The following CHN2 variants were observed in gnomAD, a reference collection of about 807,000 sequenced individuals.
The protein encoded by CHN2 is beta-chimaerin.
In CHN2, 35 loss-of-function variants were observed where a neutral mutation model predicts 56.3. That is an observed-to-expected ratio of 0.62 (90% CI 0.47 to 0.82). CHN2 has a LOEUF of 0.82. CHN2 is among the 40% of genes least tolerant of loss of function. CHN2 has a pLI of 0.00. For synonymous variants in CHN2, 210 were observed against 212.8 expected (o/e 0.99, Z 0.12); for missense variants, 491 against 580.5 (o/e 0.85, Z 1.58).
chr7:29,358,784 C>T (rs1016449177), intron 2 of CHN2, among the ~76,000 whole-genome samples: 4 of 152,102 alleles, frequency 2.6e-5, no homozygotes, highest in Non-Finnish European at 4.4e-5. Context: ...TTTTAAGAAG[C>T]GGTTTCTACG....
intron 6 of CHN2, among the ~76,000 whole-genome samples, chr7:29,402,927 T>C (rs545763132): frequency 4.1e-5 from 5 of 120,658 alleles, no homozygotes; most frequent in Non-Finnish European, 1.0e-4. Flanking sequence ...CAATTAATAA[T>C]CACTTTGAAT....
chr7:29,274,994 G>T (rs1270953589), intron 1 of CHN2, among the ~76,000 whole-genome samples: 1 of 152,082 alleles, frequency 6.6e-6, no homozygotes, highest in Non-Finnish European at 1.5e-5. Flanking sequence ...CCTGGGTCTG[G>T]TCTCTCTTTG....
chr7:29,440,645 A>G (rs755442026), intron 6 of CHN2, among the ~76,000 whole-genome samples: 2 of 145,088 alleles, frequency 1.4e-5, no homozygotes, highest in Non-Finnish European at 3.0e-5. Flanking sequence ...AGATCATGCC[A>G]CTACACTCCA....
chr7:29,441,069 T>G (rs1296409805), intron 6 of CHN2, among the ~76,000 whole-genome samples: 1 of 152,206 alleles, frequency 6.6e-6, no homozygotes, highest in Non-Finnish European at 1.5e-5. Context: ...CATTTGAGAT[T>G]TACTCTCTTA....
chr7:29,263,662 C>A (rs56263879), intron 1 of CHN2, among the ~76,000 whole-genome samples: 2 of 146,944 alleles, frequency 1.4e-5, no homozygotes, highest in Non-Finnish European at 3.0e-5. Flanking sequence ...AAGTGAGGAG[C>A]GCCTCTTCCC....
At chr7:29,490,637 C>T (rs914003185) in intron 7 of CHN2, among the ~76,000 whole-genome samples, 1 of 152,138 alleles carries the variant, frequency 6.6e-6, no homozygotes, top group Non-Finnish European at 1.5e-5. Context: ...ATCCTTCCCC[C>T]ATTAATTTGT....
chr7:29,228,934 C>A (rs919287920), intron 1 of CHN2, among the ~76,000 whole-genome samples: 1 of 152,218 alleles, frequency 6.6e-6, no homozygotes, highest in African/African-American at 2.4e-5. Context: ...CTTTTGCTCC[C>A]GCTCTGCTCC....
At chr7:29,234,001 T>C (rs1317217080) in intron 1 of CHN2, among the ~76,000 whole-genome samples, 2 of 148,974 alleles carry the variant, frequency 1.3e-5, no homozygotes, top group Non-Finnish European at 3.0e-5. Context: ...GCCCGGCTAA[T>C]TTTTTGTATT....
chr7:29,439,503 G>T (rs529417631), intron 6 of CHN2, among the ~76,000 whole-genome samples: 1 of 152,084 alleles, frequency 6.6e-6, no homozygotes, highest in Non-Finnish European at 1.5e-5. Context: ...TGTCCTTCAG[G>T]TGTTGGCTCC....
chr7:29,320,360 AG>A (rs932212242), intron 1 of CHN2, among the ~76,000 whole-genome samples: 1 of 152,078 alleles, frequency 6.6e-6, no homozygotes, highest in Non-Finnish European at 1.5e-5. Context: ...CGCCCCCTGC[AG>A]GGGGGTGCTA....
intron 2 of CHN2, among the ~76,000 whole-genome samples, chr7:29,175,979 G>A (rs1369922590): frequency 6.6e-6 from 1 of 152,126 alleles, no homozygotes; most frequent in Non-Finnish European, 1.5e-5. Context: ...AAGGTCAGGA[G>A]ATCAAGACCA....
At chr7:29,305,187 C>T (rs915652040) in intron 1 of CHN2, among the ~76,000 whole-genome samples, 5 of 151,996 alleles carry the variant, frequency 3.3e-5, no homozygotes, top group South Asian at 2.1e-4. Flanking sequence ...TGATTGTTGC[C>T]GGGGAAAGGG....
At chr7:29,401,154 G>C in intron 6 of CHN2, 2 of 263,304 alleles carry the variant, frequency 7.6e-6, no homozygotes, top group Admixed American at 5.0e-5. Flanking sequence ...TGTAGTCCCA[G>C]TTACTTGGGA....
At chr7:29,466,722 T>G (rs1225576149) in intron 6 of CHN2, among the ~76,000 whole-genome samples, 2 of 152,238 alleles carry the variant, frequency 1.3e-5, no homozygotes, top group African/African-American at 4.8e-5. Context: ...GAGATCTAGA[T>G]CACAAAAGAC....
intron 1 of CHN2, chr7:29,292,741 G>A: frequency 8.5e-6 from 3 of 354,848 alleles, no homozygotes; most frequent in Non-Finnish European, 1.7e-5. Context: ...ATTGGTTTGG[G>A]GGGAAAAGTA....
chr7:29,457,918 C>T (rs1784885307), intron 6 of CHN2, among the ~76,000 whole-genome samples: 1 of 152,180 alleles, frequency 6.6e-6, no homozygotes, highest in Non-Finnish European at 1.5e-5. Context: ...ACCCATGACT[C>T]AGTGGCCTCT....
chr7:29,353,743 C>A (rs1030515121), intron 1 of CHN2, among the ~76,000 whole-genome samples: 3 of 152,148 alleles, frequency 2.0e-5, no homozygotes, highest in African/African-American at 7.2e-5. Flanking sequence ...AACAGAGTTT[C>A]CATATCTAAA....
intron 1 of CHN2, among the ~76,000 whole-genome samples, chr7:29,235,252 A>G (rs1787101472): frequency 6.6e-6 from 1 of 152,246 alleles, no homozygotes; most frequent in East Asian, 1.9e-4. Context: ...TCAAAAGAAG[A>G]CATACACACA....
chr7:29,312,696 T>C (rs1794684975), intron 1 of CHN2, among the ~76,000 whole-genome samples: 1 of 151,974 alleles, frequency 6.6e-6, no homozygotes, highest in South Asian at 2.1e-4. Flanking sequence ...AAAATTTGCT[T>C]CTCCTGCTTG....
Sources: allele counts gnomAD v4.1 joint callset (sites outside exome capture counted in the v4.1 genomes callset), GRCh38; gene constraint gnomAD v4.1.1; transcripts MANE v1.5; gene names NCBI Gene and HGNC (gene_info 2026-07-23, HGNC 2026-07-21).